Variants in NFIB observed in about 807,000 individuals in gnomAD.
NFIB encodes the protein nuclear factor I B.
Under a neutral mutation model 61.5 loss-of-function variants are expected in NFIB, and 11 were observed. The ratio of observed to expected loss-of-function variants is 0.18; its 90% confidence interval spans 0.11 to 0.30. The LOEUF is 0.30. Ranked by LOEUF, NFIB falls within the 10% of genes least tolerant of loss-of-function variation. The probability of loss-of-function intolerance (pLI) is 1.00; values close to 1 mark genes in which losing one functional copy is unlikely to be tolerated. For missense variants in NFIB, 471 were observed against 608.9 expected, an observed-to-expected ratio of 0.77 and a Z score of 2.38; for synonymous variants, 260 against 216.5, an observed-to-expected ratio of 1.20 and a Z score of -1.76.
Position 14,314,019 on chromosome 9 carries a change from G to C in NFIB, c.-508C>G. ...GGGAGAGCGGGGAGAATGTGTCACCGCGCTGGGAAAGTTCAAGGTTACAGC... is the reference window on the plus strand; with the variant it reads ...GGGAGAGCGGGGAGAATGTGTCACCCCGCTGGGAAAGTTCAAGGTTACAGC... On this transcript the variant is annotated 5_prime_UTR_variant, in exon 1 of 11. Coordinates refer to ENST00000380953, the MANE Select transcript of NFIB (RefSeq NM_001190737.2). The C allele has an allele frequency of 9.4e-7, 1 of 1,069,506 alleles. No individual in the cohort carries two copies. Among genetic ancestry groups the C allele is most frequent in the Middle Eastern group, 4.1e-4 (1 of 2,430 alleles). The allele number at this position is 1,069,506 out of a possible 1,614,324, so 66.3% of individuals were successfully genotyped here.
intron 2 of NFIB, among the ~76,000 whole-genome samples, chr9:14,253,845 T>C (rs892257806): frequency 7.9e-5 from 12 of 152,158 alleles, no homozygotes; most frequent in African/African-American, 2.7e-4. Flanking sequence ...TCTCTATTTA[T>C]TTTTTTCACG....
At chr9:14,244,746 A>G (rs1249551388) in intron 2 of NFIB, among the ~76,000 whole-genome samples, 1 of 152,202 alleles carries the variant, frequency 6.6e-6, no homozygotes, top group East Asian at 1.9e-4. Context: ...GGATATGTAG[A>G]AAAAACATTG....
chr9:14,232,270 T>C (rs1313562475), intron 2 of NFIB, among the ~76,000 whole-genome samples: 1 of 152,150 alleles, frequency 6.6e-6, no homozygotes, highest in African/African-American at 2.4e-5. Context: ...CAAGAGCCAC[T>C]TCTGGACAAT....
the NFIB span, among the ~76,000 whole-genome samples, chr9:14,489,083 C>A: frequency 1.3e-5 from 2 of 152,142 alleles, no homozygotes; most frequent in Admixed American, 6.5e-5. Flanking sequence ...TAAAGTTCAT[C>A]TTTCCTCCAG....
the NFIB span, among the ~76,000 whole-genome samples, chr9:14,488,956 A>G: frequency 6.6e-6 from 1 of 152,226 alleles, no homozygotes; most frequent in African/African-American, 2.4e-5. Flanking sequence ...CATAACATAC[A>G]GTAGTTTCCT....
At chr9:14,483,914 C>A in the NFIB span, among the ~76,000 whole-genome samples, 1 of 152,186 alleles carries the variant, frequency 6.6e-6, no homozygotes, top group Non-Finnish European at 1.5e-5. Flanking sequence ...TGGCACAAGG[C>A]AGATCATCAG....
Position 14,084,426 on chromosome 9 carries a change from G to C in NFIB, c.*3883C>G, listed in dbSNP as rs2032517644. 1 of 224,962 alleles carries C rather than the reference G, an allele frequency of 4.4e-6. No homozygotes were observed. The highest frequency in any genetic ancestry group is 8.9e-6 in the Non-Finnish European group (1 of 112,768). The allele number at this position is 224,962 out of a possible 1,614,324, so 13.9% of individuals were successfully genotyped here. On this transcript the variant is annotated 3_prime_UTR_variant, in exon 11 of 11. Transcript: ENST00000380953. ...AGATTCATTCACATATTTTTTAATG[G>C]AGCTGCCCACCCGAACATTACCCGA...
intron 1 of NFIB, among the ~76,000 whole-genome samples, chr9:14,356,491 T>C (rs2061177573): frequency 6.6e-6 from 1 of 152,114 alleles, no homozygotes; most frequent in South Asian, 2.1e-4. Context: ...TGGAGCTGAA[T>C]ATGCTACCCA....
chr9:14,458,297 C>T, the NFIB span, among the ~76,000 whole-genome samples: 14 of 152,150 alleles, frequency 9.2e-5, no homozygotes, highest in Non-Finnish European at 1.9e-4. Flanking sequence ...GCAGAAAAGG[C>T]CTTTGACAAA....
At chr9:14,228,320 G>T (rs1280384497) in intron 2 of NFIB, among the ~76,000 whole-genome samples, 1 of 150,772 alleles carries the variant, frequency 6.6e-6, no homozygotes, top group South Asian at 2.1e-4. Flanking sequence ...TCAGCCTCTC[G>T]AGTAGCTGGG....
At chr9:14,528,801 G>A in the NFIB span, among the ~76,000 whole-genome samples, 1 of 152,092 alleles carries the variant, frequency 6.6e-6, no homozygotes, top group Non-Finnish European at 1.5e-5. Context: ...ATTGTTTTTG[G>A]TAGTTTTATT....
At chr9:14,408,293 G>T in the NFIB span, among the ~76,000 whole-genome samples, 1 of 152,142 alleles carries the variant, frequency 6.6e-6, no homozygotes, top group African/African-American at 2.4e-5. Flanking sequence ...ACCTGAATCT[G>T]TATATCTTTA....
At chr9:14,154,370 C>T (rs1038273535) in intron 4 of NFIB, among the ~76,000 whole-genome samples, 17 of 152,046 alleles carry the variant, frequency 1.1e-4, no homozygotes, top group African/African-American at 4.1e-4. Flanking sequence ...TAAGCCTTTC[C>T]GCTAAAGAAG....
At chr9:14,340,385 C>A (rs1024615280) in intron 1 of NFIB, among the ~76,000 whole-genome samples, 2 of 152,140 alleles carry the variant, frequency 1.3e-5, no homozygotes, top group Non-Finnish European at 2.9e-5. Flanking sequence ...TAGAATCGCC[C>A]AGGGGAACTT....
At chr9:14,451,833 T>A in the NFIB span, among the ~76,000 whole-genome samples, 3 of 152,162 alleles carry the variant, frequency 2.0e-5, no homozygotes, top group African/African-American at 7.2e-5. Context: ...TTCATGAAAA[T>A]GTTTATTTTC....
intron 2 of NFIB, chr9:14,306,049 A>G (rs2060000385): frequency 1.2e-6 from 1 of 844,842 alleles, no homozygotes; most frequent in Non-Finnish European, 1.7e-6. Context: ...AAGAAAAATA[A>G]AAATAATAAA....
intron 2 of NFIB, among the ~76,000 whole-genome samples, chr9:14,201,990 G>C (rs1440485839): frequency 1.3e-5 from 2 of 152,090 alleles, no homozygotes; most frequent in African/African-American, 4.8e-5. Context: ...ATTTGTTCTT[G>C]TCTTCATGGA....
the NFIB span, among the ~76,000 whole-genome samples, chr9:14,476,689 A>T: frequency 6.6e-6 from 1 of 152,200 alleles, no homozygotes; most frequent in African/African-American, 2.4e-5. Flanking sequence ...TGAGAAGTTA[A>T]GCTTTCAAAT....
At chr9:14,445,391 T>A in the NFIB span, among the ~76,000 whole-genome samples, 1 of 152,190 alleles carries the variant, frequency 6.6e-6, no homozygotes, top group Non-Finnish European at 1.5e-5. Context: ...AAGAGAGTGT[T>A]CTTACCATTA....
Sources: allele counts gnomAD v4.1 joint callset (sites outside exome capture counted in the v4.1 genomes callset), GRCh38; gene constraint gnomAD v4.1.1; transcripts MANE v1.5; gene names NCBI Gene and HGNC (gene_info 2026-07-23, HGNC 2026-07-21).